The following PDE10A variants were observed in gnomAD, a reference collection of about 807,000 sequenced individuals.
PDE10A encodes cAMP and cAMP-inhibited cGMP 3',5'-cyclic phosphodiesterase 10A.
PDE10A carries 39 observed loss-of-function variants against 97.7 expected under a neutral mutation model. The observed-to-expected ratio is 0.40, with a 90% CI of 0.31 to 0.52. PDE10A has a LOEUF of 0.52. PDE10A is among the 20% of genes least tolerant of loss of function. PDE10A has a pLI of 0.56. For missense variants in PDE10A, 731 were observed against 1,047.8 expected (o/e 0.70, Z 4.17); for synonymous variants, 371 against 376.8 (o/e 0.98, Z 0.18).
intron 12 of PDE10A, among the ~76,000 whole-genome samples, chr6:165,414,057 TG>T (rs746113799): frequency 2.6e-5 from 4 of 152,188 alleles, no homozygotes; most frequent in African/African-American, 4.8e-5. Flanking sequence ...CCTTTGAAGT[TG>T]ATCGTGTTTA....
intron 1 of PDE10A, among the ~76,000 whole-genome samples, chr6:165,623,508 G>GA (rs66934063): frequency 0.14 from 20,734 of 151,406 alleles, 1,812 homozygotes; most frequent in Middle Eastern, 0.22. Flanking sequence ...GAGAGAGAGA[G>GA]AAAAAAAACA....
At chr6:165,927,338 A>G (rs1280742535) in intron 1 of PDE10A, among the ~76,000 whole-genome samples, 1 of 152,186 alleles carries the variant, frequency 6.6e-6, no homozygotes, top group East Asian at 1.9e-4. Flanking sequence ...AACAGCCTAA[A>G]AGCCAACAAC....
chr6:165,509,621 G>T (rs1236253696), intron 2 of PDE10A, among the ~76,000 whole-genome samples: 1 of 151,254 alleles, frequency 6.6e-6, no homozygotes, highest in Non-Finnish European at 1.5e-5. Flanking sequence ...AATGACATTG[G>T]TACTTTGATA....
intron 1 of PDE10A, among the ~76,000 whole-genome samples, chr6:165,800,722 C>T (rs921976474): frequency 6.6e-6 from 1 of 152,170 alleles, no homozygotes; most frequent in African/African-American, 2.4e-5. Flanking sequence ...AATCGATGGG[C>T]AAGGTACGAC....
intron 1 of PDE10A, among the ~76,000 whole-genome samples, chr6:165,850,276 A>G (rs1583188162): frequency 6.6e-6 from 1 of 152,206 alleles, no homozygotes; most frequent in Non-Finnish European, 1.5e-5. Flanking sequence ...CCGTGCAAAT[A>G]TCATCACAGC....
chr6:165,534,030 G>A (rs901257730), intron 2 of PDE10A, among the ~76,000 whole-genome samples: 1 of 151,834 alleles, frequency 6.6e-6, no homozygotes, highest in Non-Finnish European at 1.5e-5. Flanking sequence ...GATGAGAATA[G>A]GCAATTTTAT....
At chr6:165,443,834 T>C (rs1278168773) in intron 5 of PDE10A, among the ~76,000 whole-genome samples, 4 of 152,296 alleles carry the variant, frequency 2.6e-5, no homozygotes, top group South Asian at 4.1e-4. Context: ...GCTTGGTCCA[T>C]GAAACCATTT....
At chr6:165,889,081 C>A (rs1781708484) in intron 1 of PDE10A, among the ~76,000 whole-genome samples, 1 of 152,166 alleles carries the variant, frequency 6.6e-6, no homozygotes, top group Admixed American at 6.5e-5. Flanking sequence ...AAAGACAGAA[C>A]TTAAAAACTA....
At chr6:165,471,866 T>C (rs568623314) in intron 3 of PDE10A, among the ~76,000 whole-genome samples, 1 of 152,334 alleles carries the variant, frequency 6.6e-6, no homozygotes, top group South Asian at 2.1e-4. Context: ...AAAGCGCTGC[T>C]GAAATCATTT....
rs369357116 is a variant in PDE10A at position 165,685,796 on chromosome 6, T to G, written c.-614-142228A>C. On this transcript the variant is annotated intron_variant, in intron 1 of 19. Coordinates refer to the PDE10A transcript ENST00000366882. ...TGCTGGAGGGAGGAATGTTTTCAGA[T>G]GCATTATATGGGCAAAGCACCGAAG... 1.1e-3 allele frequency among the ~76,000 whole-genome samples: 170 copies of G among 152,334 alleles called. 3 individuals are homozygous for G. The South Asian group carries it at 0.035, about 31-fold the overall frequency.
At chr6:165,681,291 A>T (rs1334075997) in intron 1 of PDE10A, among the ~76,000 whole-genome samples, 2 of 152,246 alleles carry the variant, frequency 1.3e-5, no homozygotes, top group Non-Finnish European at 2.9e-5. Context: ...GTTTCCTAAT[A>T]CTTAGTTTCG....
chr6:165,930,850 C>T (rs1383567661), intron 1 of PDE10A, among the ~76,000 whole-genome samples: 1 of 152,232 alleles, frequency 6.6e-6, no homozygotes, highest in Non-Finnish European at 1.5e-5. Context: ...AGGGGAGCTT[C>T]ACCGTGGCTC....
At chr6:165,756,642 A>C (rs549269500) in intron 1 of PDE10A, among the ~76,000 whole-genome samples, 1 of 152,208 alleles carries the variant, frequency 6.6e-6, no homozygotes, top group Non-Finnish European at 1.5e-5. Context: ...GTTGATGGAC[A>C]ATCAGTCTTT....
At chr6:165,379,597 G>GC (rs777881475) in intron 17 of PDE10A, among the ~76,000 whole-genome samples, 5 of 151,962 alleles carry the variant, frequency 3.3e-5, no homozygotes, top group Non-Finnish European at 7.4e-5. Flanking sequence ...ATAAACTATT[G>GC]CAACTATAAT....
At chr6:165,740,199 T>C (rs549700161) in intron 1 of PDE10A, among the ~76,000 whole-genome samples, 2 of 152,190 alleles carry the variant, frequency 1.3e-5, no homozygotes, top group African/African-American at 4.8e-5. Flanking sequence ...AGCTGTCATA[T>C]GAAATGAACC....
At chr6:165,674,330 GAAA>G (rs34849813) in intron 1 of PDE10A, among the ~76,000 whole-genome samples, 2 of 141,330 alleles carry the variant, frequency 1.4e-5, no homozygotes. Flanking sequence ...AGCAGGAAAA[GAAA>G]AAAAAAAAAA....
At chr6:165,857,696 TCC>T (rs57226661) in intron 1 of PDE10A, among the ~76,000 whole-genome samples, 14,197 of 136,948 alleles carry the variant, frequency 0.1, 902 homozygotes, top group East Asian at 0.31. Flanking sequence ...TTTCAACAGT[TCC>T]GTGTGTGTGT....
At chr6:165,926,513 A>T (rs1314896475) in intron 1 of PDE10A, among the ~76,000 whole-genome samples, 1 of 152,254 alleles carries the variant, frequency 6.6e-6, no homozygotes, top group Non-Finnish European at 1.5e-5. Context: ...TTAAAGACTT[A>T]GAGTTTACAG....
At chr6:165,633,571 A>G (rs1788733041) in intron 1 of PDE10A, among the ~76,000 whole-genome samples, 1 of 152,192 alleles carries the variant, frequency 6.6e-6, no homozygotes, top group Non-Finnish European at 1.5e-5. Context: ...GGAAACAGGG[A>G]AAGGTCGTCT....
Sources: allele counts gnomAD v4.1 joint callset (sites outside exome capture counted in the v4.1 genomes callset), GRCh38; gene constraint gnomAD v4.1.1; transcripts MANE v1.5; gene names NCBI Gene and HGNC (gene_info 2026-07-23, HGNC 2026-07-21).